Variants in CWC25 observed in about 807,000 individuals in gnomAD.
CWC25 encodes the protein pre-mRNA-splicing factor CWC25 homolog.
Under a neutral mutation model 54.6 loss-of-function variants are expected in CWC25, and 31 were observed. That is an observed-to-expected ratio of 0.57 (90% CI 0.43 to 0.77). The LOEUF (loss-of-function observed/expected upper bound fraction) is 0.77, where lower values mean the gene tolerates loss of function less well. Ranked by LOEUF, CWC25 falls within the 30% of genes least tolerant of loss-of-function variation. The pLI is 0.00. For missense variants in CWC25, 453 were observed against 529.3 expected (o/e 0.86, Z 1.41); for synonymous variants, 151 against 187.0 (o/e 0.81, Z 1.57).
intron 8 of CWC25, among the ~76,000 whole-genome samples, chr17:38,804,160 A>G (rs1598066921): frequency 6.6e-6 from 1 of 152,160 alleles, no homozygotes; most frequent in Admixed American, 6.6e-5. Flanking sequence ...AAATCATACA[A>G]GAAAGGAAAT....
intron 8 of CWC25, among the ~76,000 whole-genome samples, chr17:38,803,326 A>G (rs1401035814): frequency 6.6e-6 from 1 of 152,234 alleles, no homozygotes; most frequent in Non-Finnish European, 1.5e-5. Context: ...GGAATAACTT[A>G]GCCTCAGAAA....
intron 5 of CWC25, 133 bp downstream of exon 5, chr17:38,810,335 T>C (rs771210076): frequency 2.7e-5 from 25 of 912,090 alleles, no homozygotes; most frequent in Non-Finnish European, 3.8e-5. Flanking sequence ...ACTGGGCCCA[T>C]GTTCAAGTGT....
In CWC25 at chr17:38,803,417, G is replaced by A. The variant is rs920566107; in HGVS notation, c.1002-556C>T. Among the ~76,000 whole-genome samples, 6 of 151,128 alleles carry A rather than the reference G, an allele frequency of 4.0e-5. No homozygotes were observed. In the South Asian group the frequency reaches 6.3e-4, roughly 16 times the overall value. On this transcript the variant is annotated intron_variant, in intron 8 of 9. Transcript: ENST00000614790. ...GGCCAAGGCGGGCAGATCACCTGACGTCAGGAGTTCGAGACCAGCCTGGCC... is the reference window on the plus strand; with the variant it reads ...GGCCAAGGCGGGCAGATCACCTGACATCAGGAGTTCGAGACCAGCCTGGCC...
At chr17:38,810,646 G>A (rs569110248) in intron 4 of CWC25, 51 bp from the exon 5 acceptor site, 32 of 912,554 alleles carry the variant, frequency 3.5e-5, no homozygotes, top group Admixed American at 2.4e-4. Context: ...ACCAGCCAGC[G>A]CAGTGGCTCA....
intron 3 of CWC25, 41 bp from the exon 4 acceptor site, chr17:38,812,905 C>T (rs1911548989): frequency 1.7e-6 from 2 of 1,158,066 alleles, no homozygotes; most frequent in South Asian, 1.3e-5. Flanking sequence ...TATTTCTTTT[C>T]TCCAAATTCT....
chr17:38,802,075 AAG>A lies in CWC25; in HGVS notation c.*15_*16del. ...CCCTGGAAAATGCAGGAAAACCAATAAGAGAGGGGACAGTTTTCATCTTTTCA... is the reference window on the plus strand; with the variant it reads ...CCCTGGAAAATGCAGGAAAACCAATAAGAGGGGACAGTTTTCATCTTTTCA... On this transcript the variant is annotated 3_prime_UTR_variant, in exon 10 of 10. Transcript: ENST00000614790. 1.3e-6 allele frequency: 2 copies of A among 1,512,680 alleles called. No homozygotes were observed. Among genetic ancestry groups the A allele is most frequent in the Non-Finnish European group, 9.2e-7 (1 of 1,088,990 alleles). 93.7% of individuals were successfully genotyped at this position (1,512,680 alleles called of 1,614,324 possible).
At chr17:38,806,453 T>G (rs1161272295) in intron 7 of CWC25, 58 bp from the exon 8 acceptor site, 25 of 1,377,596 alleles carry the variant, frequency 1.8e-5, no homozygotes, top group Non-Finnish European at 2.6e-5. Context: ...GGGCTTACAC[T>G]GAATCCCTCA....
chr17:38,819,836 C>A (rs1004394551), intron 2 of CWC25, among the ~76,000 whole-genome samples: 7 of 151,662 alleles, frequency 4.6e-5, no homozygotes, highest in African/African-American at 1.7e-4. Flanking sequence ...CCACACCCAG[C>A]TAATTTTTGT....
At chr17:38,808,154 A>G (rs192479049) in intron 6 of CWC25, among the ~76,000 whole-genome samples, 1 of 139,108 alleles carries the variant, frequency 7.2e-6, no homozygotes. Context: ...GGAGGCCAAG[A>G]CGGGCAGATC....
intron 8 of CWC25, among the ~76,000 whole-genome samples, chr17:38,806,080 G>GT (rs771594115): frequency 5.9e-4 from 90 of 152,330 alleles, no homozygotes; most frequent in Non-Finnish European, 1.0e-3. Flanking sequence ...CCAAACTGCT[G>GT]TGATTACAGG....
Position 38,818,822 on chromosome 17 carries a change from C to T in CWC25, c.191+2079G>A, listed in dbSNP as rs1445214718. ...AAGCAGGCATGAGTCTGCAACAATGCTGGCTCCTTTCTCTACAGTTGTGCA... is the reference window on the plus strand; with the variant it reads ...AAGCAGGCATGAGTCTGCAACAATGTTGGCTCCTTTCTCTACAGTTGTGCA... On this transcript the variant is annotated intron_variant, in intron 2 of 9. Coordinates refer to ENST00000614790, the MANE Select transcript of CWC25 (RefSeq NM_017748.5). 3.3e-5 allele frequency among the ~76,000 whole-genome samples: 5 copies of T among 152,052 alleles called. No homozygotes were observed. In the Admixed American group the frequency reaches 3.3e-4, roughly 10 times the overall value.
At chr17:38,821,276 A>C (rs1176001372) in intron 1 of CWC25, among the ~76,000 whole-genome samples, 2 of 152,120 alleles carry the variant, frequency 1.3e-5, no homozygotes, top group Admixed American at 1.3e-4. Context: ...AAGCTTCAGG[A>C]CAGGTCGGGC....
At chr17:38,806,725 C>T in intron 7 of CWC25, 40 bp downstream of exon 7, 1 of 1,502,980 alleles carries the variant, frequency 6.7e-7, no homozygotes, top group Non-Finnish European at 8.9e-7. Context: ...GACCAGGCCC[C>T]CACAGTCACA....
intron 4 of CWC25, among the ~76,000 whole-genome samples, chr17:38,811,998 G>A (rs1487250665): frequency 6.6e-6 from 1 of 151,672 alleles, no homozygotes; most frequent in Non-Finnish European, 1.5e-5. Context: ...GAGTGCAATG[G>A]CGCAATCTTG....
intron 3 of CWC25, among the ~76,000 whole-genome samples, chr17:38,813,725 A>G (rs1394959015): frequency 2.0e-5 from 3 of 151,838 alleles, no homozygotes; most frequent in Non-Finnish European, 2.9e-5. Flanking sequence ...TATATTTCTT[A>G]TAGAGATGGG....
intron 5 of CWC25, 125 bp from the exon 6 acceptor site, chr17:38,809,890 G>A (rs1437406084): frequency 3.8e-6 from 3 of 794,124 alleles, no homozygotes; most frequent in African/African-American, 3.5e-5. Flanking sequence ...CAGTTACCTG[G>A]CAGTACGTTT....
chr17:38,804,999 T>C (rs1283627964), intron 8 of CWC25, among the ~76,000 whole-genome samples: 2 of 150,052 alleles, frequency 1.3e-5, no homozygotes, highest in African/African-American at 4.9e-5. Flanking sequence ...CCCAGCTACC[T>C]AGGAGGCTGA....
intron 4 of CWC25, among the ~76,000 whole-genome samples, chr17:38,810,948 T>C (rs1046306135): frequency 2.0e-4 from 26 of 129,974 alleles, no homozygotes; most frequent in African/African-American, 7.1e-4. Context: ...AAAAGATTAC[T>C]GGCTGGGCAT....
intron 7 of CWC25, 142 bp from the exon 8 acceptor site, chr17:38,806,537 G>A (rs893505001): frequency 3.7e-6 from 3 of 805,166 alleles, no homozygotes; most frequent in Admixed American, 2.8e-5. Context: ...AGGGTTTGAT[G>A]TTAGACTCAC....
Sources: allele counts gnomAD v4.1 joint callset (sites outside exome capture counted in the v4.1 genomes callset), GRCh38; gene constraint gnomAD v4.1.1; transcripts MANE v1.5; gene names NCBI Gene and HGNC (gene_info 2026-07-23, HGNC 2026-07-21).